HEMK2: variants seen among roughly 807,000 people sequenced by gnomAD.
The protein encoded by HEMK2 is methyltransferase HEMK2.
At chr21:28,608,225 A>T in the HEMK2 span, among the ~76,000 whole-genome samples, 2 of 152,196 alleles carry the variant, frequency 1.3e-5, no homozygotes, top group African/African-American at 4.8e-5. Flanking sequence ...GGGCTGAAAA[A>T]GCAAGGAGAC....
the HEMK2 span, among the ~76,000 whole-genome samples, chr21:28,841,106 TA>T: frequency 9.1e-5 from 4 of 43,890 alleles, no homozygotes; most frequent in African/African-American, 1.5e-4. Flanking sequence ...ATATATTATA[TA>T]ATAAATATTA....
the HEMK2 span, among the ~76,000 whole-genome samples, chr21:28,812,175 A>AT: frequency 6.6e-6 from 1 of 152,224 alleles, no homozygotes; most frequent in Non-Finnish European, 1.5e-5. Context: ...AAGTATTTGA[A>AT]TATCTGATGC....
chr21:28,651,363 C>G, the HEMK2 span, among the ~76,000 whole-genome samples: 1 of 152,068 alleles, frequency 6.6e-6, no homozygotes, highest in Admixed American at 6.5e-5. Context: ...AGAAGAAAAA[C>G]TATAAAAAAT....
At chr21:28,775,736 G>A in the HEMK2 span, among the ~76,000 whole-genome samples, 2 of 152,176 alleles carry the variant, frequency 1.3e-5, no homozygotes, top group East Asian at 3.9e-4. Flanking sequence ...AATAACATGA[G>A]TTGTTTCAGT....
the HEMK2 span, among the ~76,000 whole-genome samples, chr21:28,810,682 A>C: frequency 6.6e-6 from 1 of 152,210 alleles, no homozygotes; most frequent in Non-Finnish European, 1.5e-5. Flanking sequence ...ACTAATAGAC[A>C]ATATCGAGCA....
At chr21:28,785,445 T>C in the HEMK2 span, among the ~76,000 whole-genome samples, 1 of 152,206 alleles carries the variant, frequency 6.6e-6, no homozygotes, top group Non-Finnish European at 1.5e-5. Context: ...ACTTACCCCA[T>C]GATAAATTAC....
chr21:28,811,300 AAGGGAAGGGG>A, the HEMK2 span, among the ~76,000 whole-genome samples: 2 of 115,456 alleles, frequency 1.7e-5, no homozygotes, highest in African/African-American at 1.0e-4. Context: ...GAAGAAAGGG[AAGGGAAGGGG>A]AGGGGAGGGG....
At chr21:28,592,727 A>G in the HEMK2 span, among the ~76,000 whole-genome samples, 2 of 152,328 alleles carry the variant, frequency 1.3e-5, no homozygotes, top group Non-Finnish European at 2.9e-5. Context: ...TTTAATCAAA[A>G]CACGGCATCA....
At chr21:28,780,827 C>T in the HEMK2 span, among the ~76,000 whole-genome samples, 3 of 152,184 alleles carry the variant, frequency 2.0e-5, no homozygotes, top group African/African-American at 7.2e-5. Flanking sequence ...AACCCCCCCT[C>T]CTGGTGGCCT....
At chr21:28,757,485 CAGCTGCATG>C in the HEMK2 span, among the ~76,000 whole-genome samples, 6 of 152,146 alleles carry the variant, frequency 3.9e-5, no homozygotes, top group African/African-American at 1.4e-4. Context: ...TGGCCAAATG[CAGCTGCATG>C]AGTAAGCCCA....
At chr21:28,605,053 C>T in the HEMK2 span, among the ~76,000 whole-genome samples, 3 of 152,164 alleles carry the variant, frequency 2.0e-5, no homozygotes, top group Admixed American at 2.0e-4. Context: ...TAGGATTGAT[C>T]CACATGTGGA....
chr21:28,649,045 T>C, the HEMK2 span, among the ~76,000 whole-genome samples: 148 of 151,870 alleles, frequency 9.7e-4, no homozygotes, highest in African/African-American at 3.4e-3. Context: ...GTTTGGTTTT[T>C]TGTCCTTGCG....
the HEMK2 span, among the ~76,000 whole-genome samples, chr21:28,761,599 C>CT: frequency 0.13 from 18,235 of 141,032 alleles, 1,934 homozygotes; most frequent in African/African-American, 0.29. Context: ...CTCTACAAAG[C>CT]TTTTTTTTTT....
chr21:28,697,337 C>A, the HEMK2 span, among the ~76,000 whole-genome samples: 2 of 152,184 alleles, frequency 1.3e-5, no homozygotes, highest in Admixed American at 1.3e-4. Context: ...GGGCAAAATG[C>A]TGCCAGTCTC....
chr21:28,587,428 T>C, the HEMK2 span, among the ~76,000 whole-genome samples: 1 of 152,358 alleles, frequency 6.6e-6, no homozygotes, highest in South Asian at 2.1e-4. Context: ...ATTAGTTCAT[T>C]GATCTACTCA....
the HEMK2 span, among the ~76,000 whole-genome samples, chr21:28,827,311 T>G: frequency 1.3e-5 from 2 of 152,200 alleles, no homozygotes; most frequent in South Asian, 2.1e-4. Context: ...TTATTCTCAG[T>G]GCAACTAACT....
chr21:28,591,910 C>T, the HEMK2 span, among the ~76,000 whole-genome samples: 1 of 152,162 alleles, frequency 6.6e-6, no homozygotes, highest in Non-Finnish European at 1.5e-5. Flanking sequence ...CATAATGTTG[C>T]ATGGTGTGTA....
chr21:28,788,712 A>G, the HEMK2 span, among the ~76,000 whole-genome samples: 1 of 152,124 alleles, frequency 6.6e-6, no homozygotes, highest in Non-Finnish European at 1.5e-5. Context: ...CTCCAAAAAA[A>G]AAAAAAAAGA....
chr21:28,601,768 G>A, the HEMK2 span, among the ~76,000 whole-genome samples: 14 of 151,996 alleles, frequency 9.2e-5, no homozygotes, highest in African/African-American at 3.4e-4. Flanking sequence ...AGACTATTAA[G>A]TACTCAACAC....
Sources: gnomAD v4.1 joint callset for allele counts (sites outside exome capture counted in the v4.1 genomes callset) on GRCh38, gnomAD v4.1.1 for gene constraint, MANE v1.5 for transcripts, NCBI Gene and HGNC (gene_info 2026-07-23, HGNC 2026-07-21) for gene names.